Variants in CNTNAP4 observed in about 807,000 individuals in gnomAD.
The protein encoded by CNTNAP4 is contactin associated protein family member 4.
Under a neutral mutation model 148.4 loss-of-function variants are expected in CNTNAP4, and 98 were observed. The ratio of observed to expected loss-of-function variants is 0.66; its 90% confidence interval spans 0.56 to 0.78. CNTNAP4 has a LOEUF of 0.78. CNTNAP4 is among the 30% of genes least tolerant of loss of function. CNTNAP4 has a pLI of 0.00. For synonymous variants in CNTNAP4, 730 were observed against 565.1 expected (o/e 1.29, Z -4.14); for missense variants, 1,935 against 1,565.6 (o/e 1.24, Z -3.98).
rs2085074429 is a variant in CNTNAP4 at position 76,553,818 on chromosome 16, G to T, written c.3662-18G>T. ...CTTGCCTATATCACCTTCCCCCTTT[G>T]TTGTGCTTTAACTGCAGATCATTCT... On this transcript the variant is annotated intron_variant, in intron 22 of 23. Transcript: ENST00000611870. 2 of 1,578,140 alleles carry T rather than the reference G, an allele frequency of 1.3e-6. No individual in the cohort carries two copies. The highest frequency in any genetic ancestry group is 8.7e-7 in the Non-Finnish European group (1 of 1,150,022).
chr16:76,487,964 G>C (rs2082084477), intron 12 of CNTNAP4, among the ~76,000 whole-genome samples: 2 of 152,224 alleles, frequency 1.3e-5, no homozygotes, highest in South Asian at 4.2e-4. Context: ...CTTCAAGCAG[G>C]TATATTGTCC....
At chr16:76,312,104 G>A (rs1463290875) in intron 1 of CNTNAP4, among the ~76,000 whole-genome samples, 1 of 152,102 alleles carries the variant, frequency 6.6e-6, no homozygotes, top group African/African-American at 2.4e-5. Context: ...TTTCTGAGTT[G>A]CTTTACCAGA....
chr16:76,524,334 T>C (rs141565417), intron 17 of CNTNAP4, among the ~76,000 whole-genome samples: 98 of 152,304 alleles, frequency 6.4e-4, no homozygotes, highest in African/African-American at 2.1e-3. Flanking sequence ...GACAAAGCTA[T>C]TTCTTGAATT....
In CNTNAP4 at chr16:76,316,380, C is replaced by G. The variant is rs929142799; in HGVS notation, c.86-33C>G. ...GATTCCACGAAAGCCTCAGCACTAA[C>G]TAACCCTAACGTGGCATTGTTCCTC... On this transcript the variant is annotated intron_variant, in intron 1 of 23. Coordinates refer to ENST00000611870, the MANE Select transcript of CNTNAP4 (RefSeq NM_033401.5). 11 of 1,458,072 alleles carry G rather than the reference C, an allele frequency of 7.5e-6. No individual in the cohort carries two copies. The East Asian group carries it at 1.4e-4, about 18-fold the overall frequency. 90.3% of individuals were successfully genotyped at this position (1,458,072 alleles called of 1,614,324 possible). A position where few individuals can be genotyped will look rare whatever the true frequency, so the allele number is the denominator to read the frequency against.
At chr16:76,453,324 A>C (rs1300054446) in intron 8 of CNTNAP4, among the ~76,000 whole-genome samples, 1 of 152,218 alleles carries the variant, frequency 6.6e-6, no homozygotes, top group East Asian at 1.9e-4. Context: ...TTGTCACCAA[A>C]TGAAATTCTC....
chr16:76,314,070 T>A (rs1304386522), intron 1 of CNTNAP4, among the ~76,000 whole-genome samples: 1 of 152,234 alleles, frequency 6.6e-6, no homozygotes, highest in East Asian at 1.9e-4. Flanking sequence ...GCTTTATCTT[T>A]TAATATTAGA....
rs188400682 is a variant in CNTNAP4 at position 76,352,874 on chromosome 16, C to T, written c.197-2444C>T. 3.0e-3 allele frequency among the ~76,000 whole-genome samples: 460 copies of T among 152,162 alleles called. 1 individual carries two copies. Among genetic ancestry groups the T allele is most frequent in the African/African-American group, 0.01 (434 of 41,514 alleles). ...CTTCAGATCATTCAAGAACACATTC[C>T]GTATAAATAACAGTCTGCAAGGGTA... On this transcript the variant is annotated intron_variant, in intron 2 of 23. Transcript: ENST00000611870.
At chr16:76,501,853 G>A (rs2082659263) in intron 15 of CNTNAP4, among the ~76,000 whole-genome samples, 3 of 152,088 alleles carry the variant, frequency 2.0e-5, no homozygotes, top group East Asian at 1.9e-4. Flanking sequence ...GGCGGATCAC[G>A]AGGTCAGGAG....
At chr16:76,348,071 A>G (rs542293403) in intron 2 of CNTNAP4, among the ~76,000 whole-genome samples, 1 of 152,272 alleles carries the variant, frequency 6.6e-6, no homozygotes, top group African/African-American at 2.4e-5. Flanking sequence ...CCTGAATCAA[A>G]GGAGCATCCA....
At chr16:76,438,450 T>C (rs2079915297) in intron 4 of CNTNAP4, among the ~76,000 whole-genome samples, 1 of 152,066 alleles carries the variant, frequency 6.6e-6, no homozygotes, top group Non-Finnish European at 1.5e-5. Context: ...GTCACAGGAA[T>C]AGAGATGTTT....
At chr16:76,415,107 C>T (rs1452786008) in intron 3 of CNTNAP4, among the ~76,000 whole-genome samples, 1 of 151,050 alleles carries the variant, frequency 6.6e-6, no homozygotes, top group Non-Finnish European at 1.5e-5. Context: ...CACAATTCCT[C>T]CAAATTTTGT....
At chr16:76,396,680 G>C (rs555586057) in intron 3 of CNTNAP4, among the ~76,000 whole-genome samples, 72 of 152,170 alleles carry the variant, frequency 4.7e-4, no homozygotes, top group Non-Finnish European at 9.6e-4. Flanking sequence ...ACAGTGGTCA[G>C]GAGCTGCTCC....
chr16:76,490,704 C>T (rs1437489283), intron 13 of CNTNAP4, among the ~76,000 whole-genome samples: 3 of 152,142 alleles, frequency 2.0e-5, no homozygotes, highest in Non-Finnish European at 2.9e-5. Context: ...GAAGCTCTAC[C>T]GCCTTTCTGT....
chr16:76,415,304 C>T (rs960484895), intron 3 of CNTNAP4, among the ~76,000 whole-genome samples: 4 of 151,028 alleles, frequency 2.6e-5, no homozygotes, highest in African/African-American at 9.7e-5. Flanking sequence ...GCATGACCTT[C>T]TTCAAAGATT....
chr16:76,519,430 CATA>C (rs2144085194), intron 15 of CNTNAP4, among the ~76,000 whole-genome samples: 1 of 152,154 alleles, frequency 6.6e-6, no homozygotes, highest in African/African-American at 2.4e-5. Context: ...AATGTTATGT[CATA>C]ATATTACCTA....
intron 2 of CNTNAP4, among the ~76,000 whole-genome samples, chr16:76,325,273 T>C (rs1015231072): frequency 1.3e-5 from 2 of 152,198 alleles, no homozygotes; most frequent in Admixed American, 1.3e-4. Flanking sequence ...ATGTAATGTA[T>C]ATTTATATAC....
chr16:76,436,979 A>T (rs547478263), intron 4 of CNTNAP4, among the ~76,000 whole-genome samples: 1 of 150,502 alleles, frequency 6.6e-6, no homozygotes, highest in African/African-American at 2.5e-5. Flanking sequence ...CTATCTATCT[A>T]TCTATCTGTC....
chr16:76,535,860 C>A, intron 18 of CNTNAP4, 76 bp downstream of exon 18: 1 of 1,464,676 alleles, frequency 6.8e-7, no homozygotes, highest in Non-Finnish European at 9.2e-7. Context: ...CTTTTCTATG[C>A]AGCTATTTGA....
intron 4 of CNTNAP4, among the ~76,000 whole-genome samples, chr16:76,439,549 G>A (rs548851369): frequency 2.6e-5 from 4 of 152,132 alleles, no homozygotes; most frequent in African/African-American, 7.2e-5. Flanking sequence ...TACATCCTCC[G>A]GTGATGCATT....
Sources: allele counts gnomAD v4.1 joint callset (sites outside exome capture counted in the v4.1 genomes callset), GRCh38; gene constraint gnomAD v4.1.1; transcripts MANE v1.5; gene names NCBI Gene and HGNC (gene_info 2026-07-23, HGNC 2026-07-21).